Variants in PRDM16 observed in about 807,000 individuals in gnomAD.
PRDM16 encodes PR/SET domain 16, also known as histone-lysine N-methyltransferase PRDM16.
A neutral mutation model predicts 110.6 loss-of-function variants in PRDM16; 23 were observed. The ratio of observed to expected loss-of-function variants is 0.21; its 90% CI spans 0.15 to 0.29. PRDM16 has a LOEUF of 0.29. Among genes scored for constraint, PRDM16 ranks in the 10% least tolerant of loss-of-function variants. The pLI is 1.00. For missense variants in PRDM16, 1,615 were observed against 1,794.3 expected (o/e 0.90, Z 1.81); for synonymous variants, 799 against 781.8 (o/e 1.02, Z -0.37).
At chr1:3,167,488 T>A (rs1643972502) in intron 1 of PRDM16, among the ~76,000 whole-genome samples, 1 of 152,056 alleles carries the variant, frequency 6.6e-6, no homozygotes, top group Admixed American at 6.5e-5. Flanking sequence ...GCGAAGGGCC[T>A]CCCACTCATG....
intron 5 of PRDM16, among the ~76,000 whole-genome samples, chr1:3,400,648 G>A (rs1005186097): frequency 6.6e-6 from 1 of 152,204 alleles, no homozygotes; most frequent in African/African-American, 2.4e-5. Context: ...GTGGACCGCA[G>A]TCCTGTGGGA....
At chr1:3,303,618 A>T (rs1286767702) in intron 3 of PRDM16, among the ~76,000 whole-genome samples, 14 of 152,204 alleles carry the variant, frequency 9.2e-5, no homozygotes, top group Admixed American at 9.2e-4. Context: ...GGCTTTGTTT[A>T]ACTTTTTGAG....
At chr1:3,159,773 T>C (rs895597883) in intron 1 of PRDM16, among the ~76,000 whole-genome samples, 1 of 152,150 alleles carries the variant, frequency 6.6e-6, no homozygotes, top group Non-Finnish European at 1.5e-5. Flanking sequence ...AAGAGGTTAG[T>C]AGGGGTACCT....
chr1:3,211,504 G>A (rs77386799), intron 2 of PRDM16, among the ~76,000 whole-genome samples: 13,699 of 152,230 alleles, frequency 0.09, 1,035 homozygotes, highest in South Asian at 0.29. Flanking sequence ...CTTGGGGCCC[G>A]TCGGGGGCTG....
intron 3 of PRDM16, among the ~76,000 whole-genome samples, chr1:3,312,511 C>T (rs1641486178): frequency 1.3e-5 from 2 of 152,212 alleles, no homozygotes; most frequent in Admixed American, 6.5e-5. Context: ...TGGTGTCTGA[C>T]GTTGGCATCC....
At chr1:3,166,859 C>T (rs1643962950) in intron 1 of PRDM16, among the ~76,000 whole-genome samples, 1 of 152,222 alleles carries the variant, frequency 6.6e-6, no homozygotes, top group Non-Finnish European at 1.5e-5. Flanking sequence ...TGGCCGTGCA[C>T]CCTGGTTCAA....
intron 1 of PRDM16, among the ~76,000 whole-genome samples, chr1:3,172,628 C>T (rs927909943): frequency 2.6e-5 from 4 of 152,210 alleles, no homozygotes; most frequent in African/African-American, 7.2e-5. Context: ...AGGAAGGAAA[C>T]GGCGACACAC....
chr1:3,231,058 C>T (rs1008138566), intron 2 of PRDM16, among the ~76,000 whole-genome samples: 3 of 152,152 alleles, frequency 2.0e-5, no homozygotes, highest in East Asian at 1.9e-4. Flanking sequence ...TCCTTGGAGC[C>T]GTGGTGTCTC....
chr1:3,325,281 C>T (rs1033855674), intron 3 of PRDM16, among the ~76,000 whole-genome samples: 8 of 152,310 alleles, frequency 5.3e-5, no homozygotes, highest in East Asian at 1.9e-4. Context: ...GGTAGGTGGC[C>T]GGGCTCCCAG....
chr1:3,310,781 T>C (rs891214873), intron 3 of PRDM16, among the ~76,000 whole-genome samples: 9 of 152,128 alleles, frequency 5.9e-5, no homozygotes, highest in African/African-American at 2.2e-4. Flanking sequence ...GGTGTGTATG[T>C]GCATGCATGT....
At chr1:3,315,210 C>T (rs1306408206) in intron 3 of PRDM16, among the ~76,000 whole-genome samples, 4 of 137,270 alleles carry the variant, frequency 2.9e-5, no homozygotes, top group African/African-American at 1.2e-4. Flanking sequence ...CCTCTCCCTA[C>T]ATTCTTTGCC....
intron 3 of PRDM16, among the ~76,000 whole-genome samples, chr1:3,312,245 C>T (rs995050167): frequency 2.6e-5 from 4 of 152,252 alleles, no homozygotes; most frequent in South Asian, 2.1e-4. Context: ...TCAGCATCCT[C>T]GCCCCACTGG....
At chr1:3,110,456 GGC>G (rs1161584350) in intron 1 of PRDM16, among the ~76,000 whole-genome samples, 2 of 141,682 alleles carry the variant, frequency 1.4e-5, no homozygotes, top group East Asian at 4.5e-4. Flanking sequence ...AGTGCTCAGG[GGC>G]TCCCCCATGT....
intron 9 of PRDM16, 33 bp from the exon 10 acceptor site, chr1:3,414,527 G>T (rs773193170): frequency 5.5e-5 from 86 of 1,562,156 alleles, no homozygotes; most frequent in Non-Finnish European, 7.3e-5. Flanking sequence ...GGGCGGCTCG[G>T]TGGGGTACGT....
rs1638805656 is a variant in PRDM16 at position 3,208,525 on chromosome 1, A to C, written c.387+22051A>C. 1 of 151,992 alleles carries C rather than the reference A, an allele frequency of 6.6e-6. No homozygotes were observed. The highest frequency in any genetic ancestry group is 1.5e-5 in the Non-Finnish European group (1 of 67,988). 9.4% of individuals were successfully genotyped at this position (151,992 alleles called of 1,614,324 possible). ...TACTAAAAATACAAAAATTAGCTGG[A>C]CGTGGTGGTGGGCACCTGTAATCCC... On this transcript the variant is annotated intron_variant, in intron 2 of 16. Transcript: ENST00000270722. This position sits in a 1 kb window ranked among gnomAD's most constrained non-coding sequence, Gnocchi z 6.1.
At chr1:3,181,565 C>CGGTCTTACATATGGTCTTACACAT (rs1183088367) in intron 1 of PRDM16, among the ~76,000 whole-genome samples, 2 of 33,930 alleles carry the variant, frequency 5.9e-5, no homozygotes, top group Admixed American at 7.4e-4. Context: ...GTCTTACACA[C>CGGTCTTACATATGGTCTTACACAT]GCAGTCTTAC....
Position 3,412,784 on chromosome 1 carries a change from A to G in PRDM16, c.2587A>G (p.Met863Val), listed in dbSNP as rs1489156449. ...LHYAKPSPFF[M>V]DPIYSRVEKR... ...CTACGCCAAGCCCTCGCCCTTCTTC[A>G]TGGACCCCATCTACAGGTATTCAGC... Residue 863 changes from methionine (M) to valine (V), a missense_variant, in exon 9 of 17, where the codon ATG becomes GTG. Met to Val is a conservative substitution (Grantham distance 21, BLOSUM62 1). This residue lies in a region of PRDM16 where 772 missense variants were observed against 748.3 expected (regional missense o/e 1.03). Transcript: ENST00000270722. 3 of 1,472,428 alleles carry G rather than the reference A, an allele frequency of 2.0e-6. No individual in the cohort carries two copies. The highest frequency in any genetic ancestry group is 2.8e-5 in the South Asian group (2 of 70,888). The allele number at this position is 1,472,428 out of a possible 1,614,324, so 91.2% of individuals were successfully genotyped here.
chr1:3,181,678 G>C (rs536529462), intron 1 of PRDM16, among the ~76,000 whole-genome samples: 2 of 113,926 alleles, frequency 1.8e-5, no homozygotes, highest in African/African-American at 7.4e-5. Context: ...TCTTACACGC[G>C]CAGTCTTACA....
chr1:3,299,300 A>G lies in PRDM16; in HGVS notation c.438+55163A>G, dbSNP rs3002688. The stretch of plus-strand genomic sequence containing the variant: ...TTGTTGAAGATGCTATGCTGTGGCC[A>G]TGATGTTTCAGATCCCAGTCGTGGT... On this transcript the variant is annotated intron_variant, in intron 3 of 16. Coordinates refer to ENST00000270722, the MANE Select transcript of PRDM16 (RefSeq NM_022114.4). Among the ~76,000 whole-genome samples the G allele has an allele frequency of 3.7e-3, 374 of 101,136 alleles. 1 individual carries two copies. The highest frequency in any genetic ancestry group is 6.7e-3 in the South Asian group (19 of 2,824). The allele number at this position is 101,136 out of a possible 152,430, so 66.3% of individuals were successfully genotyped here. A position where few individuals can be genotyped will look rare whatever the true frequency, so the allele number is the denominator to read the frequency against.
Sources: allele counts gnomAD v4.1 joint callset (sites outside exome capture counted in the v4.1 genomes callset), GRCh38; gene constraint gnomAD v4.1.1; regional missense constraint gnomAD v4.1.1; non-coding constraint Gnocchi (gnomAD v3.1); transcripts MANE v1.5; gene names NCBI Gene and HGNC (gene_info 2026-07-23, HGNC 2026-07-21).